Variants in LMX1B observed in about 807,000 individuals in gnomAD.
The protein encoded by LMX1B is LIM homeobox transcription factor 1 beta, also known as LIM homeobox transcription factor 1-beta.
Under a neutral mutation model 51.4 loss-of-function variants are expected in LMX1B, and 12 were observed. That is an observed-to-expected ratio of 0.23 (90% CI 0.15 to 0.38). The LOEUF (loss-of-function observed/expected upper bound fraction) is 0.38, where lower values mean the gene tolerates loss of function less well. LMX1B is among the 10% of genes least tolerant of loss of function. The probability of loss-of-function intolerance (pLI) is 1.00; values close to 1 mark genes in which losing one functional copy is unlikely to be tolerated. For missense variants in LMX1B, 445 were observed against 571.1 expected (o/e 0.78, Z 2.25); for synonymous variants, 237 against 235.4 (o/e 1.01, Z -0.06).
At chr9:126,623,991 G>C (rs1409253712) in intron 2 of LMX1B, among the ~76,000 whole-genome samples, 1 of 152,182 alleles carries the variant, frequency 6.6e-6, no homozygotes, top group Non-Finnish European at 1.5e-5. Context: ...CTCCGCAGCC[G>C]AGCCGCGGGC....
At chr9:126,649,488 A>G (rs1835962388) in intron 2 of LMX1B, among the ~76,000 whole-genome samples, 1 of 152,150 alleles carries the variant, frequency 6.6e-6, no homozygotes, top group Non-Finnish European at 1.5e-5. Context: ...CTGTTCAACT[A>G]TGGATTGGCA....
intron 2 of LMX1B, among the ~76,000 whole-genome samples, chr9:126,644,140 C>T (rs1457001403): frequency 1.3e-5 from 2 of 152,172 alleles, no homozygotes; most frequent in Non-Finnish European, 2.9e-5. Context: ...CTGGTGGGCC[C>T]GCGCTGGTCT....
intron 2 of LMX1B, among the ~76,000 whole-genome samples, chr9:126,649,379 C>G (rs369708090): frequency 2.5e-3 from 388 of 152,300 alleles, no homozygotes; most frequent in African/African-American, 8.9e-3. Flanking sequence ...AGAGGCATCT[C>G]TCCTGCTTTT....
In LMX1B at chr9:126,662,147, C is replaced by T. The variant is rs903798899; in HGVS notation, c.327-28689C>T. ...CAGTCCCTGCTTTGCTGTTTGCCCG[C>T]TGTGTGTCCTTATGCAAGTGTCTTT... is the stretch of plus-strand genomic sequence containing the variant. On this transcript the variant is annotated intron_variant, in intron 2 of 7. Coordinates refer to ENST00000373474, the MANE Select transcript of LMX1B (RefSeq NM_001174147.2). Among the ~76,000 whole-genome samples the T allele has an allele frequency of 5.3e-5, 8 of 152,176 alleles. No homozygotes were observed. In the South Asian group the frequency reaches 1.4e-3, roughly 28 times the overall value.
chr9:126,650,156 G>A (rs1434393970), intron 2 of LMX1B, among the ~76,000 whole-genome samples: 1 of 152,160 alleles, frequency 6.6e-6, no homozygotes, highest in East Asian at 1.9e-4. Context: ...ACATGCTGGG[G>A]ACTCCTGAGC....
chr9:126,693,180 AAGGGGC>A lies in LMX1B; in HGVS notation c.603_608del (p.Gln202_Gly203del). On this transcript the variant is annotated inframe_deletion, in exon 4 of 8. Coordinates refer to ENST00000373474, the MANE Select transcript of LMX1B (RefSeq NM_001174147.2). ...TGAAGATGGGGACATGAAGCCGGCC[AAGGGGC>A]AGGGCAGTCAGAGCAAGGGCAGCGG... 6.2e-7 allele frequency: 1 copy of A among 1,601,740 alleles called. No homozygotes were observed. The highest frequency in any genetic ancestry group is 1.3e-5 in the African/African-American group (1 of 74,872).
intron 2 of LMX1B, among the ~76,000 whole-genome samples, chr9:126,684,686 A>G (rs1046878364): frequency 2.0e-5 from 3 of 152,172 alleles, no homozygotes; most frequent in Non-Finnish European, 4.4e-5. Flanking sequence ...CCCTTGAGTC[A>G]GATGTCCAGG....
chr9:126,632,482 C>T (rs949007419), intron 2 of LMX1B, among the ~76,000 whole-genome samples: 16 of 152,068 alleles, frequency 1.1e-4, no homozygotes, highest in South Asian at 2.1e-4. Context: ...TGGCTGTGCT[C>T]GGGCGTTTGG....
At chr9:126,685,858 G>C (rs1836758135) in intron 2 of LMX1B, among the ~76,000 whole-genome samples, 1 of 152,138 alleles carries the variant, frequency 6.6e-6, no homozygotes, top group Non-Finnish European at 1.5e-5. Flanking sequence ...GATGTGGACA[G>C]AGGCTCAAGA....
At chr9:126,621,304 G>A (rs1835405991) in intron 2 of LMX1B, among the ~76,000 whole-genome samples, 1 of 152,212 alleles carries the variant, frequency 6.6e-6, no homozygotes, top group African/African-American at 2.4e-5. Flanking sequence ...GGGGGTGCCC[G>A]AGGACCCAGG....
intron 2 of LMX1B, among the ~76,000 whole-genome samples, chr9:126,644,844 C>T (rs1202754910): frequency 2.0e-5 from 3 of 152,158 alleles, no homozygotes; most frequent in Admixed American, 6.5e-5. Context: ...TGGAGACAGG[C>T]GTGTTTCACC....
chr9:126,658,626 C>T lies in LMX1B; in HGVS notation c.327-32210C>T, dbSNP rs1027861533. Among the ~76,000 whole-genome samples, 40 of 152,240 alleles carry T rather than the reference C, an allele frequency of 2.6e-4. No homozygotes were observed. The highest frequency in any genetic ancestry group is 1.6e-3 in the Admixed American group (24 of 15,286). On this transcript the variant is annotated intron_variant, in intron 2 of 7. Coordinates refer to ENST00000373474, the MANE Select transcript of LMX1B (RefSeq NM_001174147.2). This position sits in a 1 kb window ranked among gnomAD's most constrained non-coding sequence, Gnocchi z 4.0. ...AAAGGCAGGCGGCCGCACCCGGCAG[C>T]GTTATTACCTTGTCATAAATAGTTA...
chr9:126,615,722 C>T lies in LMX1B; in HGVS notation c.326+153C>T. 6.6e-6 allele frequency among the ~76,000 whole-genome samples: 1 copy of T among 152,042 alleles called. No individual in the cohort carries two copies. ...GTTCCGAGAGCTGCGCGTCTTGGGG[C>T]TGGGGCGGACCAGCCCAGCCCAGCG... On this transcript the variant is annotated intron_variant, in intron 2 of 7. Transcript: ENST00000373474. The surrounding 1 kb of genome is among the most constrained non-coding windows in gnomAD (Gnocchi z 6.0).
rs2030330651 is a variant in LMX1B, at chr9:126,696,294, G to A, written c.1052G>A (p.Gly351Glu). The change falls in exon 8 of 8, where the codon GGG (glycine) becomes GAG (glutamate). Residue 351 changes from glycine to glutamate, a missense_variant and splice_region_variant. Around this residue, in one of 3 missense-constraint regions of LMX1B, gnomAD observed 162 missense variants for 187.8 expected, o/e 0.86. Transcript: ENST00000373474. ...TCCTGACACCCCTTCTGCCCCCCAG[G>A]GAACGACTCCATCTTCCATGACATC... ...QMPGDHMNPY[G>E]NDSIFHDIDS... 2 of 1,613,878 alleles carry A rather than the reference G, an allele frequency of 1.2e-6. No homozygotes were observed. Among genetic ancestry groups the A allele is most frequent in the Admixed American group, 3.3e-5 (2 of 59,996 alleles).
intron 2 of LMX1B, among the ~76,000 whole-genome samples, chr9:126,665,051 G>A (rs559871361): frequency 2.6e-5 from 4 of 152,364 alleles, no homozygotes; most frequent in East Asian, 1.9e-4. Flanking sequence ...CTGTGCTTGC[G>A]TTGGGCAAGT....
Position 126,647,586 on chromosome 9 carries a change from G to A in LMX1B, c.326+32017G>A, listed in dbSNP as rs78797485. Among the ~76,000 whole-genome samples, 545 of 152,292 alleles carry A rather than the reference G, an allele frequency of 3.6e-3. 5 individuals carry two copies. Among genetic ancestry groups the A allele is most frequent in the African/African-American group, 0.013 (523 of 41,544 alleles). On this transcript the variant is annotated intron_variant, in intron 2 of 7. Transcript: ENST00000373474. ...CTTGACTTTCACTCAAATCTGCCTG[G>A]TTTAAGAATGGTCAGTGGCTCAGGG...
chr9:126,618,313 T>A lies in LMX1B; in HGVS notation c.326+2744T>A, dbSNP rs1835342065. Among the ~76,000 whole-genome samples the A allele has an allele frequency of 6.6e-6, 1 of 152,200 alleles. No homozygotes were observed. Among genetic ancestry groups the A allele is most frequent in the Non-Finnish European group, 1.5e-5 (1 of 68,042 alleles). ...AGTAAATGTCTCTTCTTCCTTTCGA[T>A]TTGTTCTCAAAGATCCCAGACACCC... On this transcript the variant is annotated intron_variant, in intron 2 of 7. Coordinates refer to ENST00000373474, the MANE Select transcript of LMX1B (RefSeq NM_001174147.2). The surrounding 1 kb of genome is among the most constrained non-coding windows in gnomAD (Gnocchi z 4.5).
chr9:126,694,739 G>T (rs115917201), intron 6 of LMX1B, among the ~76,000 whole-genome samples: 2,366 of 152,256 alleles, frequency 0.016, 74 homozygotes, highest in African/African-American at 0.054. Context: ...CAGCCTTAGT[G>T]CCTGCTGCTT....
intron 2 of LMX1B, among the ~76,000 whole-genome samples, chr9:126,633,977 C>T (rs1438528076): frequency 6.6e-6 from 1 of 152,032 alleles, no homozygotes; most frequent in Non-Finnish European, 1.5e-5. Flanking sequence ...ATGCCTCATT[C>T]CCCCTGTGCC....
Sources: gnomAD v4.1 joint callset for allele counts (sites outside exome capture counted in the v4.1 genomes callset) on GRCh38, gnomAD v4.1.1 for gene constraint, gnomAD v4.1.1 regional missense constraint, Gnocchi (gnomAD v3.1) non-coding constraint, MANE v1.5 for transcripts, NCBI Gene and HGNC (gene_info 2026-07-23, HGNC 2026-07-21) for gene names.